Variants in P4HA1 observed in about 807,000 individuals in gnomAD.
The protein encoded by P4HA1 is prolyl 4-hydroxylase subunit alpha-1.
In P4HA1, 24 loss-of-function variants were observed where a neutral mutation model predicts 72.8. That is an observed-to-expected ratio of 0.33 (90% CI 0.24 to 0.46). The LOEUF is 0.46. P4HA1 is among the 20% of genes least tolerant of loss of function. P4HA1 has a pLI of 1.00. For missense variants in P4HA1, 446 were observed against 640.6 expected, an observed-to-expected ratio of 0.70 and a Z score of 3.28; for synonymous variants, 201 against 218.8, an observed-to-expected ratio of 0.92 and a Z score of 0.72.
At chr10:73,018,918 A>C (rs1022256140) in intron 10 of P4HA1, among the ~76,000 whole-genome samples, 1 of 151,940 alleles carries the variant, frequency 6.6e-6, no homozygotes, top group African/African-American at 2.4e-5. Flanking sequence ...GTACCCTAAC[A>C]CCCAGGTGTT....
chr10:73,073,768 T>C lies in P4HA1; in HGVS notation c.136A>G (p.Ile46Val), dbSNP rs1411145016. 3.2e-6 allele frequency: 5 copies of C among 1,584,336 alleles called. No homozygotes were observed. The South Asian group carries it at 5.5e-5, about 17-fold the overall frequency. The change falls in exon 3 of 15, where the codon ATT becomes GTT. Residue 46 changes from isoleucine (I) to valine (V), a missense_variant. Ile to Val is a conservative substitution (Grantham distance 29). Coordinates refer to ENST00000394890, the MANE Select transcript of P4HA1 (RefSeq NM_001017962.3). ...KDLVTSLKDY[I>V]KAEEDKLEQI... ...TCTAACTTGTCCTCTTCTGCCTTAA[T>C]ATAATCTTTCAGAGAAGTCACCAGA...
intron 10 of P4HA1, among the ~76,000 whole-genome samples, chr10:73,018,012 T>TC (rs1840048001): frequency 1.3e-5 from 2 of 152,114 alleles, no homozygotes; most frequent in Admixed American, 1.3e-4. Context: ...CAGCACCCCT[T>TC]CATCCCTGAA....
chr10:73,030,461 A>T, intron 9 of P4HA1, 91 bp from the exon 10 acceptor site: 1 of 541,440 alleles, frequency 1.8e-6, no homozygotes, highest in Non-Finnish European at 3.1e-6. Context: ...TATTTAATAT[A>T]TAGGACAATA....
At chr10:73,072,977 C>A (rs1052938212) in intron 3 of P4HA1, among the ~76,000 whole-genome samples, 1 of 151,982 alleles carries the variant, frequency 6.6e-6, no homozygotes, top group African/African-American at 2.4e-5. Flanking sequence ...CGAGACCAGC[C>A]TGGCCAACAT....
At chr10:73,033,972 C>T (rs1840502133) in intron 9 of P4HA1, among the ~76,000 whole-genome samples, 1 of 152,164 alleles carries the variant, frequency 6.6e-6, no homozygotes, top group Non-Finnish European at 1.5e-5. Flanking sequence ...AATCCCAGCA[C>T]TTTGGGAAGC....
At chr10:73,083,491 T>C (rs1841865378) in intron 1 of P4HA1, among the ~76,000 whole-genome samples, 1 of 152,228 alleles carries the variant, frequency 6.6e-6, no homozygotes, top group South Asian at 2.1e-4. Context: ...CTGAAAGTGC[T>C]ACACAGGCTG....
chr10:73,037,565 A>T (rs1242528389), intron 9 of P4HA1, among the ~76,000 whole-genome samples: 1,110 of 32,116 alleles, frequency 0.035, 57 homozygotes, highest in African/African-American at 0.13. Context: ...ATATATATAT[A>T]TATATATTTT....
intron 10 of P4HA1, among the ~76,000 whole-genome samples, chr10:73,021,526 T>C (rs1840135105): frequency 1.3e-5 from 2 of 151,844 alleles, no homozygotes; most frequent in South Asian, 4.2e-4. Flanking sequence ...GGAACTGGAG[T>C]TCATTATATT....
Position 73,045,045 on chromosome 10 carries a change from G to A in P4HA1, c.1084C>T (p.Arg362Ter), listed in dbSNP as rs201944122. The change falls in exon 9 of 15, where the codon CGA (arginine) becomes TGA (stop). Residue 362 changes from arginine to a stop codon, truncating the protein, a stop_gained. Transcript: ENST00000394890. LOFTEE classifies it high-confidence loss of function. ...GTTATTGGGTTTGAAATGGTGGCTC[G>A]CCTCAGCTGTGAAGCCAACCATCAA... is the stretch of plus-strand genomic sequence containing the variant. ...VKDLAKPRLR[R>*]ATISNPITGD... 1.5e-5 allele frequency: 25 copies of A among 1,612,926 alleles called. No individual in the cohort carries two copies. Among genetic ancestry groups the A allele is most frequent in the African/African-American group, 4.0e-5 (3 of 74,832 alleles).
intron 10 of P4HA1, among the ~76,000 whole-genome samples, chr10:73,017,157 C>T (rs1055211904): frequency 6.9e-6 from 1 of 145,450 alleles, no homozygotes; most frequent in Non-Finnish European, 1.5e-5. Context: ...ATATAGATAT[C>T]TATATCTACA....
chr10:73,087,771 C>T (rs562255420), intron 1 of P4HA1, among the ~76,000 whole-genome samples: 2 of 152,220 alleles, frequency 1.3e-5, no homozygotes, highest in Admixed American at 6.5e-5. Context: ...GGATTACAGA[C>T]GTGAGCCACC....
At chr10:73,061,799 A>G (rs546512495) in intron 5 of P4HA1, among the ~76,000 whole-genome samples, 1 of 152,224 alleles carries the variant, frequency 6.6e-6, no homozygotes, top group African/African-American at 2.4e-5. Flanking sequence ...ACAAAGACCT[A>G]CTTGAGGCCA....
chr10:73,035,190 C>T (rs981238865), intron 9 of P4HA1, among the ~76,000 whole-genome samples: 12 of 151,828 alleles, frequency 7.9e-5, no homozygotes, highest in African/African-American at 2.9e-4. Context: ...AGCAGTGACA[C>T]CACTTTATAT....
chr10:73,047,532 C>A (rs1589601633), intron 7 of P4HA1, among the ~76,000 whole-genome samples: 4 of 80,400 alleles, frequency 5.0e-5, no homozygotes, highest in Admixed American at 1.5e-4. Flanking sequence ...AAATACCTCA[C>A]AGTTAAATGC....
At chr10:73,083,493 C>T (rs1841865440) in intron 1 of P4HA1, among the ~76,000 whole-genome samples, 1 of 152,208 alleles carries the variant, frequency 6.6e-6, no homozygotes, top group South Asian at 2.1e-4. Flanking sequence ...GAAAGTGCTA[C>T]ACAGGCTGTC....
chr10:73,049,007 G>A (rs965229402), intron 7 of P4HA1, among the ~76,000 whole-genome samples: 1 of 152,144 alleles, frequency 6.6e-6, no homozygotes, highest in African/African-American at 2.4e-5. Flanking sequence ...GGTGGCAGGC[G>A]CCCGTAGTCC....
chr10:73,023,408 TAAAGGAGAA>T (rs1375170133), intron 10 of P4HA1, among the ~76,000 whole-genome samples: 4 of 152,110 alleles, frequency 2.6e-5, no homozygotes, highest in Non-Finnish European at 5.9e-5. Flanking sequence ...GCTTTCTAAA[TAAAGGAGAA>T]ATAAAATCCT....
intron 10 of P4HA1, among the ~76,000 whole-genome samples, chr10:73,028,307 AACACACACACACACACACAC>A (rs10561551): frequency 1.6e-3 from 224 of 143,760 alleles, no homozygotes; most frequent in African/African-American, 5.2e-3. Context: ...GTCACTGTAA[AACACACACACACACACACAC>A]ACACACACAC....
intron 1 of P4HA1, among the ~76,000 whole-genome samples, chr10:73,089,509 T>G (rs767489820): frequency 5.3e-5 from 8 of 152,212 alleles, no homozygotes; most frequent in South Asian, 2.1e-4. Context: ...CTCCAACAAC[T>G]TGTACATGAA....
Sources: allele counts gnomAD v4.1 joint callset (sites outside exome capture counted in the v4.1 genomes callset), GRCh38; gene constraint gnomAD v4.1.1; transcripts MANE v1.5; gene names NCBI Gene and HGNC (gene_info 2026-07-23, HGNC 2026-07-21).